ERCC3: variants seen among roughly 807,000 people sequenced by gnomAD.
ERCC3 encodes the protein general transcription and DNA repair factor IIH helicase/translocase subunit XPB.
Under a neutral mutation model 94.2 loss-of-function variants are expected in ERCC3, and 66 were observed. That is an observed-to-expected ratio of 0.70 (90% confidence interval 0.57 to 0.86). ERCC3 has a LOEUF of 0.86. Ranked by LOEUF, ERCC3 falls within the 40% of genes least tolerant of loss-of-function variation. The pLI is 0.00. For synonymous variants in ERCC3, 349 were observed against 369.1 expected (o/e 0.95, Z 0.63); for missense variants, 829 against 987.1 (o/e 0.84, Z 2.15).
Position 127,257,367 on chromosome 2 carries a change from G to C in ERCC3, c.*229C>G. On this transcript the variant is annotated 3_prime_UTR_variant, in exon 15 of 15. Transcript: ENST00000285398. The surrounding 1 kb of genome is among the most constrained non-coding windows in gnomAD (Gnocchi z 5.4). ...TAAATATTAACATTTTTTATATACA[G>C]AAATGACCCCACTCCCCAAAAAGTT... The C allele has an allele frequency of 3.4e-6, 2 of 590,956 alleles. No homozygotes were observed. Among genetic ancestry groups the C allele is most frequent in the African/African-American group, 3.7e-5 (2 of 53,598 alleles). The allele number at this position is 590,956 out of a possible 1,614,324, so 36.6% of individuals were successfully genotyped here.
rs1280228393 is a variant in ERCC3, at chr2:127,277,963, G to A, written c.1730+1210C>T. On this transcript the variant is annotated intron_variant, in intron 10 of 14. Transcript: ENST00000285398. The surrounding 1 kb of genome is among the most constrained non-coding windows in gnomAD (Gnocchi z 5.1). The stretch of plus-strand genomic sequence containing the variant: ...GCTTAGAAAGATGAAGGCTGGCCAG[G>A]TGTGGTGGCTCATGACTCTAATCCC... Among the ~76,000 whole-genome samples the A allele has an allele frequency of 6.6e-6, 1 of 152,160 alleles. No homozygotes were observed. The highest frequency in any genetic ancestry group is 6.5e-5 in the Admixed American group (1 of 15,278).
At chr2:127,289,157 C>A (rs1006637176) in intron 6 of ERCC3, among the ~76,000 whole-genome samples, 180 bp downstream of exon 6, 1 of 152,220 alleles carries the variant, frequency 6.6e-6, no homozygotes, top group Non-Finnish European at 1.5e-5. Context: ...GACACTGGGA[C>A]TTTAACTCCA....
chr2:127,259,542 C>T lies in ERCC3; in HGVS notation c.2065-94G>A. 1 of 1,539,048 alleles carries T rather than the reference C, an allele frequency of 6.5e-7. No homozygotes were observed. The highest frequency in any genetic ancestry group is 8.9e-7 in the Non-Finnish European group (1 of 1,120,872). ...TGGGTCCACCTGCTTTGGTCACTTC[C>T]CTCCCCAGGCCCAGCCACCCTGGTG... On this transcript the variant is annotated intron_variant, in intron 13 of 14. Coordinates refer to ENST00000285398, the MANE Select transcript of ERCC3 (RefSeq NM_000122.2). The surrounding 1 kb of genome is among the most constrained non-coding windows in gnomAD (Gnocchi z 4.9).
rs34067323 is a variant in ERCC3, at chr2:127,277,689, C to CAA, written c.1730+1482_1730+1483dup. On this transcript the variant is annotated intron_variant, in intron 10 of 14. Transcript: ENST00000285398. The surrounding 1 kb of genome is among the most constrained non-coding windows in gnomAD (Gnocchi z 5.1). ...CTGGCAACAGAGCAAGACTCCGTCT[C>CAA]AAAAAAAAAAGGAAAATGTAATAGT... Among the ~76,000 whole-genome samples, 2 of 144,686 alleles carry CAA rather than the reference C, an allele frequency of 1.4e-5. No homozygotes were observed. Among genetic ancestry groups the CAA allele is most frequent in the South Asian group, 4.4e-4 (2 of 4,562 alleles). 94.9% of individuals were successfully genotyped at this position (144,686 alleles called of 152,430 possible).
chr2:127,292,548 C>T (rs1685306779), intron 3 of ERCC3, 62 bp downstream of exon 3: 1 of 1,052,534 alleles, frequency 9.5e-7, no homozygotes, highest in Admixed American at 1.7e-5. Flanking sequence ...CAACATGGAG[C>T]ACCTATGCCT....
At chr2:127,260,357 T>A (rs1387090635) in intron 13 of ERCC3, 1 of 152,258 alleles carries the variant, frequency 6.6e-6, no homozygotes, top group East Asian at 1.9e-4. Flanking sequence ...TCGGCAGGAA[T>A]CAGGAGGTAG....
rs1278935659 is a variant in ERCC3, at chr2:127,292,740, T to G, written c.341A>C (p.His114Pro). The G allele has an allele frequency of 8.1e-6, 13 of 1,614,096 alleles. No individual in the cohort carries two copies. Among genetic ancestry groups the G allele is most frequent in the Non-Finnish European group, 1.0e-5 (12 of 1,180,014 alleles). Residue 114 changes from histidine to proline, a missense_variant, in exon 3 of 15, where the codon CAT (histidine) becomes CCT (proline). Coordinates refer to ENST00000285398, the MANE Select transcript of ERCC3 (RefSeq NM_000122.2). ...AEPVCRPTHV[H>P]EYKLTAYSLY... ...GGAGTAGGCAGTTAGTTTGTACTCATGCACATGGGTTGGTCGGCACACTGG... is the reference window on the plus strand; with the variant it reads ...GGAGTAGGCAGTTAGTTTGTACTCAGGCACATGGGTTGGTCGGCACACTGG...
chr2:127,259,829 G>A lies in ERCC3; in HGVS notation c.2065-381C>T, dbSNP rs1169529345. 8.8e-6 allele frequency: 3 copies of A among 341,002 alleles called. No homozygotes were observed. The highest frequency in any genetic ancestry group is 4.3e-5 in the African/African-American group (2 of 46,800). 21.1% of individuals were successfully genotyped at this position (341,002 alleles called of 1,614,324 possible). ...AAGTGACTGGAAGGCACAGGCTGTG[G>A]CCCTTTGTGAAGGTCCCTGGCATCT... On this transcript the variant is annotated intron_variant, in intron 13 of 14. Coordinates refer to ENST00000285398, the MANE Select transcript of ERCC3 (RefSeq NM_000122.2). This position sits in a 1 kb window ranked among gnomAD's most constrained non-coding sequence, Gnocchi z 4.9.
Position 127,264,774 on chromosome 2 carries a change from TCTC to T in ERCC3, c.1946-3431_1946-3429del, listed in dbSNP as rs1226647040. Among the ~76,000 whole-genome samples the T allele has an allele frequency of 2.6e-5, 4 of 152,072 alleles. No individual in the cohort carries two copies. The highest frequency in any genetic ancestry group is 2.1e-4 in the South Asian group (1 of 4,816). On this transcript the variant is annotated intron_variant, in intron 12 of 14. Coordinates refer to ENST00000285398, the MANE Select transcript of ERCC3 (RefSeq NM_000122.2). The surrounding 1 kb of genome is among the most constrained non-coding windows in gnomAD (Gnocchi z 4.4). ...TCGTAGTATGAGTTAGGAAGAAGTC[TCTC>T]CTCCTCAATTTTTTTGAATAGTTTC... is the stretch of plus-strand genomic sequence containing the variant.
chr2:127,286,545 C>CAA (rs111463049), intron 8 of ERCC3, among the ~76,000 whole-genome samples, 158 bp downstream of exon 8: 1 of 125,792 alleles, frequency 7.9e-6, no homozygotes, highest in Non-Finnish European at 1.7e-5. Context: ...GACTCCCTCT[C>CAA]AAAAAAAAAA....
Position 127,258,194 on chromosome 2 carries a change from A to G in ERCC3, c.2218-467T>C, listed in dbSNP as rs1411292248. On this transcript the variant is annotated intron_variant, in intron 14 of 14. Coordinates refer to ENST00000285398, the MANE Select transcript of ERCC3 (RefSeq NM_000122.2). This position sits in a 1 kb window ranked among gnomAD's most constrained non-coding sequence, Gnocchi z 4.1. ...CTGATCCTCCCGCCTAGGCCTCCCA[A>G]AGTGCTGGGATTACAGACATGAGCC... Among the ~76,000 whole-genome samples, 1 of 152,100 alleles carries G rather than the reference A, an allele frequency of 6.6e-6. No homozygotes were observed. The highest frequency in any genetic ancestry group is 1.5e-5 in the Non-Finnish European group (1 of 68,006).
chr2:127,285,816 A>T (rs1352776803), intron 8 of ERCC3, among the ~76,000 whole-genome samples: 1 of 151,948 alleles, frequency 6.6e-6, no homozygotes, highest in Non-Finnish European at 1.5e-5. Flanking sequence ...ACACGACTGC[A>T]CTCCAGCCTG....
Position 127,289,453 on chromosome 2 carries a change from T to C in ERCC3, c.706A>G (p.Thr236Ala). ...ATGTCAGATTTACCCTGTGGATCTG[T>C]CACTCGGGAAGTGGAGGGCCCACCA... ...SSGGPSTSRV[T>A]DPQGKSDIPM... The change falls in exon 6 of 15, where the codon ACA becomes GCA. Residue 236 changes from threonine (T) to alanine (A), a missense_variant. By Grantham distance (58) the Thr-to-Ala change is moderately conservative. Transcript: ENST00000285398. The C allele has an allele frequency of 6.2e-7, 1 of 1,613,058 alleles. No homozygotes were observed. Among genetic ancestry groups the C allele is most frequent in the Non-Finnish European group, 8.5e-7 (1 of 1,179,978 alleles).
At chr2:127,263,978 C>T (rs148509397) in intron 12 of ERCC3, among the ~76,000 whole-genome samples, 13,597 of 151,888 alleles carry the variant, frequency 0.09, 1,002 homozygotes, top group African/African-American at 0.21. Flanking sequence ...CCAAAGTGCT[C>T]GGATTACAGG....
rs1270270425 is a variant in ERCC3 at position 127,258,098 on chromosome 2, A to AC, written c.2218-372dup. Among the ~76,000 whole-genome samples, 2 of 151,846 alleles carry AC rather than the reference A, an allele frequency of 1.3e-5. No homozygotes were observed. The highest frequency in any genetic ancestry group is 2.9e-5 in the Non-Finnish European group (2 of 67,964). On this transcript the variant is annotated intron_variant, in intron 14 of 14. Coordinates refer to ENST00000285398, the MANE Select transcript of ERCC3 (RefSeq NM_000122.2). This position sits in a 1 kb window ranked among gnomAD's most constrained non-coding sequence, Gnocchi z 4.1. ...TCACTTAATAACAACTTCTGAACAA[A>AC]CTTTTTTTTTTTAAGAGAGAAACAG...
chr2:127,261,876 G>A, intron 12 of ERCC3: 1 of 180,760 alleles, frequency 5.5e-6, no homozygotes, highest in South Asian at 1.2e-4. Context: ...ATGCATTGCT[G>A]TTGAGAATGT....
At chr2:127,288,399 T>C (rs1330650676) in intron 7 of ERCC3, among the ~76,000 whole-genome samples, 1 of 152,218 alleles carries the variant, frequency 6.6e-6, no homozygotes, top group African/African-American at 2.4e-5. Flanking sequence ...CACATCTGCT[T>C]ACCATCTGTC....
At position 127,271,337 on chromosome 2, in the gene ERCC3, T is replaced by C. The variant is rs2104747727; in HGVS notation, c.1944A>G (p.Lys648=). Residue 648 remains lysine, a splice_region_variant and synonymous_variant, in exon 12 of 15, where the codon AAA becomes AAG. Coordinates refer to ENST00000285398, the MANE Select transcript of ERCC3 (RefSeq NM_000122.2). This position sits in a 1 kb window ranked among gnomAD's most constrained non-coding sequence, Gnocchi z 5.0. ...ACAGAAGATGAAAGGCCACTTTACC[T>C]TTTTTAGCTCGAAGCACCCGCCCTA... ...QRLGRVLRAK[K]GMVAEEYNAF... 6.2e-7 allele frequency: 1 copy of C among 1,606,742 alleles called. No homozygotes were observed. The highest frequency in any genetic ancestry group is 8.5e-7 in the Non-Finnish European group (1 of 1,173,366).
At position 127,290,231 on chromosome 2, in the gene ERCC3, G is replaced by A. The variant is rs1685222400; in HGVS notation, c.514C>T (p.His172Tyr). ...SYGKVKLVLK[H>Y]NRYFVESCHP... is the part of the protein sequence containing the mutation. ...TGTCATGGAATCTCTTACCTGTTGT[G>A]CTTCAAGACCAGCTTGACTTTTCCA... Residue 172 changes from histidine (H) to tyrosine (Y), a missense_variant, in exon 4 of 15, where the codon CAC (histidine) becomes TAC (tyrosine). Transcript: ENST00000285398. 6.2e-7 allele frequency: 1 copy of A among 1,613,688 alleles called. No individual in the cohort carries two copies. Among genetic ancestry groups the A allele is most frequent in the African/African-American group, 1.3e-5 (1 of 75,040 alleles).
Sources: allele counts gnomAD v4.1 joint callset (sites outside exome capture counted in the v4.1 genomes callset), GRCh38; gene constraint gnomAD v4.1.1; non-coding constraint Gnocchi (gnomAD v3.1); transcripts MANE v1.5; gene names NCBI Gene and HGNC (gene_info 2026-07-23, HGNC 2026-07-21).